SASH1: variants seen among roughly 807,000 people sequenced by gnomAD.
SASH1 encodes SAM and SH3 domain-containing protein 1.
SASH1 carries 44 observed loss-of-function variants against 125.2 expected under a neutral mutation model. That is an observed-to-expected ratio of 0.35 (90% CI 0.28 to 0.45). SASH1 has a LOEUF of 0.45. SASH1 is among the 20% of genes least tolerant of loss of function. The pLI, the probability that SASH1 is intolerant of heterozygous loss-of-function variation, is 1.00. For synonymous variants in SASH1, 639 were observed against 649.1 expected (o/e 0.98, Z 0.24); for missense variants, 1,426 against 1,614.5 (o/e 0.88, Z 2.00).
chr6:148,368,340 G>T (rs1782559642), intron 1 of SASH1, among the ~76,000 whole-genome samples: 1 of 152,106 alleles, frequency 6.6e-6, no homozygotes, highest in African/African-American at 2.4e-5. Flanking sequence ...GCACGATCTC[G>T]ACTCACTGTA....
chr6:148,469,483 A>G (rs1777999275), intron 5 of SASH1, among the ~76,000 whole-genome samples: 1 of 152,214 alleles, frequency 6.6e-6, no homozygotes, highest in South Asian at 2.1e-4. Context: ...CTCTTATCCC[A>G]GCAATTTGGG....
rs147064259 is a variant in SASH1, at chr6:148,454,134, G to A, written c.386+13727G>A. 4.6e-3 allele frequency among the ~76,000 whole-genome samples: 700 copies of A among 152,194 alleles called. 3 individuals carry two copies. The highest frequency in any genetic ancestry group is 7.5e-3 in the Non-Finnish European group (513 of 67,994). ...CGTCTCCAAGCGAGGCTTCAGCTTC[G>A]CGGGTGCAGAGGGCCTGCAGGAGTT... is the stretch of plus-strand genomic sequence containing the variant. On this transcript the variant is annotated intron_variant, in intron 4 of 19. Transcript: ENST00000367467.
the SASH1 span, among the ~76,000 whole-genome samples, chr6:148,216,684 C>T: frequency 2.0e-5 from 3 of 152,068 alleles, no homozygotes; most frequent in Admixed American, 2.0e-4. Flanking sequence ...AGTGCTGAAG[C>T]CAGCCTCTCT....
intron 4 of SASH1, among the ~76,000 whole-genome samples, chr6:148,450,675 T>C (rs181539024): frequency 2.1e-3 from 307 of 143,312 alleles, no homozygotes; most frequent in Non-Finnish European, 4.0e-3. Context: ...TGTGTGAATC[T>C]CTTATTATAT....
chr6:148,336,289 C>T (rs767912766), intron 1 of SASH1, among the ~76,000 whole-genome samples: 10 of 148,646 alleles, frequency 6.7e-5, no homozygotes, highest in Non-Finnish European at 1.5e-4. Flanking sequence ...GATTCTCCTG[C>T]CTCAGCCTCC....
chr6:148,534,777 T>C lies in SASH1; in HGVS notation c.1971T>C (p.Asn657=), dbSNP rs367788294. 1 of 1,614,226 alleles carries C rather than the reference T, an allele frequency of 6.2e-7. No individual in the cohort carries two copies. The highest frequency in any genetic ancestry group is 1.7e-5 in the Admixed American group (1 of 60,024). The change falls in exon 16 of 20, where the codon AAT becomes AAC. Residue 657 remains asparagine, a synonymous_variant. Coordinates refer to ENST00000367467, the MANE Select transcript of SASH1 (RefSeq NM_015278.5). ...AGCACATGCCCACTTTCCTGTTCAATGGATATGAAGATTTGGACACCTTTA... is the reference window on the plus strand; with the variant it reads ...AGCACATGCCCACTTTCCTGTTCAACGGATATGAAGATTTGGACACCTTTA... ...LKEHMPTFLF[N]GYEDLDTFKL...
At chr6:148,391,148 C>T (rs1343514446) in intron 2 of SASH1, among the ~76,000 whole-genome samples, 1 of 149,658 alleles carries the variant, frequency 6.7e-6, no homozygotes, top group Non-Finnish European at 1.5e-5. Flanking sequence ...TCTCTCTTGT[C>T]CCCCAGGCTG....
chr6:148,370,334 T>G (rs1202928343), intron 1 of SASH1, among the ~76,000 whole-genome samples: 1 of 152,144 alleles, frequency 6.6e-6, no homozygotes, highest in African/African-American at 2.4e-5. Flanking sequence ...AGGAGGAAAT[T>G]TACACAGAAC....
Position 148,282,539 on chromosome 6 carries a change from G to A in SASH1, n.74+10162G>A, listed in dbSNP as rs144429364. Among the ~76,000 whole-genome samples, 670 of 151,960 alleles carry A rather than the reference G, an allele frequency of 4.4e-3. 7 individuals are homozygous for A. Among genetic ancestry groups the A allele is most frequent in the African/African-American group, 0.014 (594 of 41,444 alleles). ...TGGGATTACAGGCGCCTGCCACCACGCCCAGCTAATTTTTGTATTTTCAAT... is the reference window on the plus strand; with the variant it reads ...TGGGATTACAGGCGCCTGCCACCACACCCAGCTAATTTTTGTATTTTCAAT... On this transcript the variant is annotated intron_variant and non_coding_transcript_variant, in intron 1 of 3. Transcript: ENST00000367469.
intron 8 of SASH1, among the ~76,000 whole-genome samples, chr6:148,510,635 A>T (rs1780059300): frequency 6.6e-6 from 1 of 152,030 alleles, no homozygotes; most frequent in Non-Finnish European, 1.5e-5. Flanking sequence ...TAAAAATTAT[A>T]TATTTTTTAT....
intron 4 of SASH1, among the ~76,000 whole-genome samples, chr6:148,441,660 C>CAG (rs1236240960): frequency 6.6e-6 from 1 of 152,128 alleles, no homozygotes; most frequent in Admixed American, 6.5e-5. Context: ...TGCCATGATT[C>CAG]AGGCTGAGAG....
rs1013724031 is a variant in SASH1, at chr6:148,529,452, G to A, written c.1428+1856G>A. Among the ~76,000 whole-genome samples the A allele has an allele frequency of 6.6e-6, 1 of 152,152 alleles. No individual in the cohort carries two copies. The highest frequency in any genetic ancestry group is 1.5e-5 in the Non-Finnish European group (1 of 68,034). ...TGTCCTTGTGGGTGACGGAGTGATA[G>A]TGATTCTATATTTCTTCCCAGCAAT... On this transcript the variant is annotated intron_variant, in intron 12 of 19. Transcript: ENST00000367467. The surrounding 1 kb of genome is among the most constrained non-coding windows in gnomAD (Gnocchi z 4.2).
chr6:148,351,186 T>C (rs185858876), intron 1 of SASH1, among the ~76,000 whole-genome samples: 3 of 133,656 alleles, frequency 2.2e-5, no homozygotes, highest in Non-Finnish European at 4.6e-5. Flanking sequence ...CTTTCTGCGA[T>C]AGTAGTTTTT....
chr6:148,329,257 C>T (rs766631919), intron 1 of SASH1, among the ~76,000 whole-genome samples: 3 of 152,088 alleles, frequency 2.0e-5, no homozygotes, highest in Non-Finnish European at 2.9e-5. Context: ...CTAGACAATC[C>T]CTTTAAAAAA....
rs1243464298 is a variant in SASH1 at position 148,534,847 on chromosome 6, C to A, written c.2041C>A (p.Pro681Thr). ...EDLDELNIRD[P>T]EHRAVLLTAV... ...CTTGGATGAGTTAAATATCAGGGAC[C>A]CGGAACACAGAGCTGTTCTCTTGAC... Residue 681 changes from proline (P) to threonine (T), a missense_variant, in exon 16 of 20, where the codon CCG becomes ACG. Coordinates refer to ENST00000367467, the MANE Select transcript of SASH1 (RefSeq NM_015278.5). The A allele has an allele frequency of 1.2e-6, 2 of 1,614,068 alleles. No individual in the cohort carries two copies. Among genetic ancestry groups the A allele is most frequent in the Non-Finnish European group, 1.7e-6 (2 of 1,180,034 alleles).
upstream of SASH1, among the ~76,000 whole-genome samples, chr6:148,267,310 C>A (rs77830492): frequency 8.2e-3 from 1,239 of 151,932 alleles, 12 homozygotes; most frequent in Non-Finnish European, 0.014. Context: ...AATGCCCGGG[C>A]CACACCATAA....
chr6:148,324,498 A>T (rs1266944885), intron 1 of SASH1, among the ~76,000 whole-genome samples: 1 of 152,148 alleles, frequency 6.6e-6, no homozygotes, highest in Admixed American at 6.6e-5. Context: ...CAACTCTGCC[A>T]TCCAATGAAT....
intron 1 of SASH1, among the ~76,000 whole-genome samples, chr6:148,301,417 C>G (rs1779942055): frequency 6.6e-6 from 1 of 151,816 alleles, no homozygotes; most frequent in Non-Finnish European, 1.5e-5. Context: ...AGATGCCCAC[C>G]ACCATGCCCG....
intron 2 of SASH1, among the ~76,000 whole-genome samples, chr6:148,391,422 T>TA (rs398038813): frequency 0.093 from 10,681 of 114,284 alleles, 593 homozygotes; most frequent in East Asian, 0.33. Flanking sequence ...GACACTTTTA[T>TA]AAAAAAAAAA....
Sources: allele counts gnomAD v4.1 joint callset (sites outside exome capture counted in the v4.1 genomes callset), GRCh38; gene constraint gnomAD v4.1.1; non-coding constraint Gnocchi (gnomAD v3.1); transcripts MANE v1.5; gene names NCBI Gene and HGNC (gene_info 2026-07-23, HGNC 2026-07-21).